ITPRID1: variants seen among roughly 807,000 people sequenced by gnomAD.
The protein encoded by ITPRID1 is protein ITPRID1.
In ITPRID1, 96 loss-of-function variants were observed where a neutral mutation model predicts 95.4. That is an observed-to-expected ratio of 1.01 (90% CI 0.85 to 1.19). The LOEUF is 1.19. Ranked by LOEUF, ITPRID1 falls within the 50% of genes most tolerant of loss-of-function variation. The pLI is 0.00. For synonymous variants in ITPRID1, 510 were observed against 453.6 expected (o/e 1.12, Z -1.58); for missense variants, 1,339 against 1,252.9 (o/e 1.07, Z -1.04).
At chr7:31,554,364 A>C (rs527960091) in intron 3 of ITPRID1, 111 bp from the exon 4 acceptor site, 1 of 1,453,674 alleles carries the variant, frequency 6.9e-7, no homozygotes, top group South Asian at 1.5e-5. Context: ...GGAAGGAAAC[A>C]TGTGACTAAA....
chr7:31,639,443 T>A (rs868111136), intron 10 of ITPRID1, among the ~76,000 whole-genome samples: 32 of 152,046 alleles, frequency 2.1e-4, no homozygotes, highest in Middle Eastern at 3.2e-3. Flanking sequence ...TGGGTTTTTT[T>A]TAAATATCTT....
chr7:31,547,458 G>A (rs953887281), intron 1 of ITPRID1, among the ~76,000 whole-genome samples: 3 of 121,324 alleles, frequency 2.5e-5, no homozygotes, highest in African/African-American at 7.9e-5. Context: ...AGAGCAAAGT[G>A]GGGGAAAGCC....
intron 1 of ITPRID1, among the ~76,000 whole-genome samples, chr7:31,520,560 TGTGTGAGA>T (rs761504271): frequency 0.094 from 7,305 of 77,522 alleles, 305 homozygotes; most frequent in Admixed American, 0.22. Flanking sequence ...TGTGTGTGTG[TGTGTGAGA>T]GAGAGAGAGA....
chr7:31,614,384 C>T (rs573721091), intron 10 of ITPRID1, among the ~76,000 whole-genome samples: 1 of 152,196 alleles, frequency 6.6e-6, no homozygotes, highest in East Asian at 1.9e-4. Flanking sequence ...GTTAAAAAAA[C>T]TCTCCATGCA....
chr7:31,642,238 C>G lies in ITPRID1; in HGVS notation c.1291C>G (p.Leu431Val). 1.3e-6 allele frequency: 2 copies of G among 1,554,320 alleles called. No individual in the cohort carries two copies. The highest frequency in any genetic ancestry group is 1.7e-6 in the Non-Finnish European group (2 of 1,148,984). The change falls in exon 11 of 15, where the codon CTG (leucine) becomes GTG (valine). Residue 431 changes from leucine to valine, a missense_variant. Physicochemically the swap from Leu to Val is conservative, Grantham distance 32 (BLOSUM62 1). Coordinates refer to ENST00000615280, the MANE Select transcript of ITPRID1 (RefSeq NM_001257967.3). ...SDSSGFLEEP[L>V]EPLPLQMPSL... The stretch of plus-strand genomic sequence containing the variant: ...CAGCAGCGGGTTCCTGGAGGAGCCG[C>G]TGGAACCGCTGCCCCTCCAGGTAGG...
chr7:31,536,208 T>A (rs1783753502), intron 1 of ITPRID1, among the ~76,000 whole-genome samples: 1 of 152,182 alleles, frequency 6.6e-6, no homozygotes. Flanking sequence ...TACTGACTTA[T>A]CTTCAAGCTC....
Position 31,654,446 on chromosome 7 carries a change from G to T in ITPRID1, c.*1617G>T, listed in dbSNP as rs1226905028. Among the ~76,000 whole-genome samples, 1 of 152,184 alleles carries T rather than the reference G, an allele frequency of 6.6e-6. No individual in the cohort carries two copies. The highest frequency in any genetic ancestry group is 1.5e-5 in the Non-Finnish European group (1 of 68,034). On this transcript the variant is annotated 3_prime_UTR_variant, in exon 15 of 15. Coordinates refer to ENST00000615280, the MANE Select transcript of ITPRID1 (RefSeq NM_001257967.3). ...TTTCCAAGGGTAATGGAAAGCCACT[G>T]TGGGTTTTAAGCAGGGTCGTCATAT...
intron 6 of ITPRID1, among the ~76,000 whole-genome samples, chr7:31,571,747 T>C (rs1405531396): frequency 6.6e-6 from 1 of 152,240 alleles, no homozygotes; most frequent in Non-Finnish European, 1.5e-5. Context: ...GCTGTACTTC[T>C]TTCAGCATAT....
At position 31,651,993 on chromosome 7, in the gene ITPRID1, A is replaced by G. The variant is rs141259951; in HGVS notation, c.2766A>G (p.Ala922=). 2.1e-4 allele frequency: 335 copies of G among 1,606,690 alleles called. 2 individuals carry two copies. The African/African-American group carries it at 4.0e-3, about 19-fold the overall frequency. Residue 922 remains alanine (A), a synonymous_variant, in exon 14 of 15, where the codon GCA becomes GCG. Transcript: ENST00000615280. Reference sequence around the variant, plus strand: ...GTGAGGCCCTGAGGCAGCAGGTGGCAGAGTTGGAATTTCAGTTAGGAGACC... The same window carrying G: ...GTGAGGCCCTGAGGCAGCAGGTGGCGGAGTTGGAATTTCAGTTAGGAGACC... ...TLREALRQQV[A]ELEFQLGDRA... is the part of the protein sequence containing the mutation.
chr7:31,583,364 G>A (rs981692767), intron 10 of ITPRID1, among the ~76,000 whole-genome samples, 173 bp downstream of exon 10: 2 of 152,184 alleles, frequency 1.3e-5, no homozygotes, highest in Admixed American at 6.5e-5. Flanking sequence ...GGTGGCTCAT[G>A]CCTGTAATCT....
At chr7:31,607,121 T>G (rs1394093008) in intron 10 of ITPRID1, among the ~76,000 whole-genome samples, 1 of 152,132 alleles carries the variant, frequency 6.6e-6, no homozygotes, top group African/African-American at 2.4e-5. Flanking sequence ...CTCCAACAAT[T>G]TTATTAGATT....
Position 31,576,448 on chromosome 7 carries a change from T to C in ITPRID1, c.599-1415T>C, listed in dbSNP as rs186370359. On this transcript the variant is annotated intron_variant, in intron 8 of 14. Transcript: ENST00000615280. ...TTGTCTTAGTCTAAATTTAAAAACC[T>C]GCTTTGGATGGATGTAAAGCAATCA... Among the ~76,000 whole-genome samples the C allele has an allele frequency of 5.4e-4, 82 of 152,358 alleles. 1 individual carries two copies. Among genetic ancestry groups the C allele is most frequent in the African/African-American group, 1.9e-3 (77 of 41,580 alleles).
rs148074341 is a variant in ITPRID1 at position 31,643,294 on chromosome 7, T to C, written c.1924T>C (p.Cys642Arg). The C allele has an allele frequency of 1.1e-4, 175 of 1,613,770 alleles. No individual in the cohort carries two copies. In the African/African-American group the frequency reaches 2.0e-3, roughly 18 times the overall value. Residue 642 changes from cysteine (C) to arginine (R), a missense_variant, in exon 12 of 15, where the codon TGT becomes CGT. Transcript: ENST00000615280. Reference sequence around the variant, plus strand: ...ACTCGTACCAGAAAGCTCATCACAGTGTATCCCCAAGCACAGTGAAATCAC... The same window carrying C: ...ACTCGTACCAGAAAGCTCATCACAGCGTATCCCCAAGCACAGTGAAATCAC... ...SLLVPESSSQ[C>R]IPKHSEITPY...
intron 5 of ITPRID1, among the ~76,000 whole-genome samples, chr7:31,567,275 T>G (rs1195660725): frequency 6.6e-6 from 1 of 152,244 alleles, no homozygotes; most frequent in African/African-American, 2.4e-5. Flanking sequence ...TGTTTTATTA[T>G]GAGCATTTAT....
At chr7:31,534,833 T>C (rs1037054651) in intron 1 of ITPRID1, among the ~76,000 whole-genome samples, 1 of 152,178 alleles carries the variant, frequency 6.6e-6, no homozygotes, top group Non-Finnish European at 1.5e-5. Flanking sequence ...TTATTTGTGT[T>C]CCTCCTTTTC....
At chr7:31,633,917 A>G (rs1049247294) in intron 10 of ITPRID1, among the ~76,000 whole-genome samples, 4 of 152,128 alleles carry the variant, frequency 2.6e-5, no homozygotes, top group Non-Finnish European at 5.9e-5. Context: ...GTAACTTTCA[A>G]TTTTATAGCT....
chr7:31,525,186 A>G (rs1435284164), intron 1 of ITPRID1, among the ~76,000 whole-genome samples: 2 of 152,252 alleles, frequency 1.3e-5, no homozygotes, highest in Non-Finnish European at 2.9e-5. Context: ...ATTGATGAGA[A>G]TCCTGAAATG....
At chr7:31,550,109 T>G (rs570154839) in intron 2 of ITPRID1, among the ~76,000 whole-genome samples, 1 of 152,252 alleles carries the variant, frequency 6.6e-6, no homozygotes, top group African/African-American at 2.4e-5. Context: ...CTTGATAACA[T>G]TTTGGTACCT....
At chr7:31,645,984 G>A (rs1352245714) in intron 12 of ITPRID1, among the ~76,000 whole-genome samples, 1 of 152,140 alleles carries the variant, frequency 6.6e-6, no homozygotes, top group Admixed American at 6.5e-5. Flanking sequence ...GACATTTTGA[G>A]AGGCCGTATG....
Sources: allele counts gnomAD v4.1 joint callset (sites outside exome capture counted in the v4.1 genomes callset), GRCh38; gene constraint gnomAD v4.1.1; transcripts MANE v1.5; gene names NCBI Gene and HGNC (gene_info 2026-07-23, HGNC 2026-07-21).